ANKRD44: variants seen among roughly 807,000 people sequenced by gnomAD.
ANKRD44 encodes the protein serine/threonine-protein phosphatase 6 regulatory ankyrin repeat subunit B.
Under a neutral mutation model 116.0 loss-of-function variants are expected in ANKRD44, and 35 were observed. The observed-to-expected ratio is 0.30, with a 90% CI of 0.23 to 0.40. The LOEUF is 0.40. Among genes scored for constraint, ANKRD44 ranks in the 10% least tolerant of loss-of-function variants. The pLI, the probability that ANKRD44 is intolerant of heterozygous loss-of-function variation, is 1.00. For synonymous variants in ANKRD44, 435 were observed against 461.8 expected (o/e 0.94, Z 0.74); for missense variants, 1,014 against 1,242.6 (o/e 0.82, Z 2.77).
chr2:197,194,861 G>C (rs1201250596), intron 1 of ANKRD44, among the ~76,000 whole-genome samples: 1 of 152,206 alleles, frequency 6.6e-6, no homozygotes, highest in Non-Finnish European at 1.5e-5. Context: ...GCATGGGTCT[G>C]AGTTATAAAG....
chr2:197,291,918 G>A (rs2083580990), intron 1 of ANKRD44, among the ~76,000 whole-genome samples: 1 of 152,144 alleles, frequency 6.6e-6, no homozygotes, highest in Admixed American at 6.5e-5. Flanking sequence ...GTGAGAACAT[G>A]CAGTGTTTGC....
At chr2:197,092,410 T>C (rs1255087879) in intron 10 of ANKRD44, among the ~76,000 whole-genome samples, 7 of 152,242 alleles carry the variant, frequency 4.6e-5, no homozygotes, top group African/African-American at 1.7e-4. Flanking sequence ...AAAGTTATTA[T>C]GATGATGTGT....
chr2:197,227,901 T>C (rs997498270), intron 1 of ANKRD44, among the ~76,000 whole-genome samples: 1 of 152,270 alleles, frequency 6.6e-6, no homozygotes, highest in Non-Finnish European at 1.5e-5. Context: ...AGCATATTTA[T>C]AATAAGCTGC....
chr2:197,183,370 G>A (rs903869023), intron 2 of ANKRD44, among the ~76,000 whole-genome samples: 1 of 152,156 alleles, frequency 6.6e-6, no homozygotes, highest in African/African-American at 2.4e-5. Flanking sequence ...AAGTTAGTGA[G>A]TAGTGGCTCC....
At position 197,110,641 on chromosome 2, in the gene ANKRD44, T is replaced by C. The variant is rs2078543258; in HGVS notation, c.985+125A>G. On this transcript the variant is annotated intron_variant, in intron 9 of 27. Coordinates refer to ENST00000282272, the MANE Select transcript of ANKRD44 (RefSeq NM_001195144.2). ...GTTTTTAGCAAAGTACATCAAAGAATTATGTAATTGCATGCTTACTAAAAC... is the reference window on the plus strand; with the variant it reads ...GTTTTTAGCAAAGTACATCAAAGAACTATGTAATTGCATGCTTACTAAAAC... 5.2e-6 allele frequency: 4 copies of C among 772,970 alleles called. No homozygotes were observed. In the East Asian group the frequency reaches 9.8e-5, roughly 19 times the overall value. 47.9% of individuals were successfully genotyped at this position (772,970 alleles called of 1,614,324 possible). A position where few individuals can be genotyped will look rare whatever the true frequency, so the allele number is the denominator to read the frequency against.
At chr2:196,999,963 T>C (rs2076085235) in intron 23 of ANKRD44, among the ~76,000 whole-genome samples, 1 of 152,172 alleles carries the variant, frequency 6.6e-6, no homozygotes, top group Admixed American at 6.5e-5. Context: ...AATCTAAATG[T>C]TCTTCAATAG....
At chr2:197,100,884 C>T (rs1216669732) in intron 9 of ANKRD44, among the ~76,000 whole-genome samples, 3 of 151,884 alleles carry the variant, frequency 2.0e-5, no homozygotes, top group South Asian at 4.1e-4. Flanking sequence ...CTTTTTTTCT[C>T]TCCCTTTTTC....
At chr2:197,274,616 CG>C (rs2083020579) in intron 1 of ANKRD44, among the ~76,000 whole-genome samples, 1 of 152,196 alleles carries the variant, frequency 6.6e-6, no homozygotes, top group South Asian at 2.1e-4. Flanking sequence ...ACTTTTCCCT[CG>C]GCCCAGTCCT....
chr2:197,271,330 C>T (rs545346310), intron 1 of ANKRD44, among the ~76,000 whole-genome samples: 2 of 152,296 alleles, frequency 1.3e-5, no homozygotes, highest in East Asian at 3.9e-4. Context: ...GAGCTTGTTC[C>T]TTCTACCATG....
chr2:197,131,966 G>C (rs1354037418), intron 4 of ANKRD44, among the ~76,000 whole-genome samples: 1 of 152,196 alleles, frequency 6.6e-6, no homozygotes, highest in Non-Finnish European at 1.5e-5. Context: ...TATGAAATAG[G>C]CTTCACATGA....
At chr2:196,968,143 C>T (rs149183175) in intron 21 of ANKRD44, among the ~76,000 whole-genome samples, 22 of 152,260 alleles carry the variant, frequency 1.4e-4, no homozygotes, top group East Asian at 3.9e-4. Flanking sequence ...AATGCAAGAA[C>T]GGCCTAATAC....
chr2:197,243,715 G>T (rs931838573), intron 1 of ANKRD44, among the ~76,000 whole-genome samples: 2 of 152,200 alleles, frequency 1.3e-5, no homozygotes, highest in Admixed American at 6.5e-5. Flanking sequence ...TTCTTGCTGT[G>T]CCCTCATGTG....
chr2:197,178,553 G>A (rs570484261), intron 2 of ANKRD44, among the ~76,000 whole-genome samples: 2 of 152,224 alleles, frequency 1.3e-5, no homozygotes, highest in African/African-American at 4.8e-5. Context: ...ATGTGAGGTT[G>A]AGAAAAAGAT....
intron 16 of ANKRD44, among the ~76,000 whole-genome samples, chr2:197,043,969 T>C (rs1212290924): frequency 6.6e-6 from 1 of 152,240 alleles, no homozygotes; most frequent in African/African-American, 2.4e-5. Flanking sequence ...GTGATTTTTA[T>C]TTCTGATCTT....
intron 21 of ANKRD44, among the ~76,000 whole-genome samples, chr2:196,979,179 G>A (rs1033671803): frequency 6.6e-5 from 10 of 151,748 alleles, no homozygotes; most frequent in Non-Finnish European, 1.3e-4. Flanking sequence ...GGCGGATCAC[G>A]AGGTCAGGAG....
intron 2 of ANKRD44, among the ~76,000 whole-genome samples, chr2:197,160,590 C>T (rs1478070455): frequency 6.6e-6 from 1 of 152,122 alleles, no homozygotes; most frequent in Non-Finnish European, 1.5e-5. Flanking sequence ...AGAGTCGGGC[C>T]TTCCATTCTT....
At chr2:197,083,641 C>T in intron 13 of ANKRD44, 132 bp from the exon 14 acceptor site, 1 of 864,720 alleles carries the variant, frequency 1.2e-6, no homozygotes, top group Non-Finnish European at 1.7e-6. Flanking sequence ...AGGCCAAAGT[C>T]ATGCCTTCCT....
intron 1 of ANKRD44, among the ~76,000 whole-genome samples, chr2:197,202,549 G>A (rs1233703324): frequency 3.3e-5 from 5 of 152,082 alleles, no homozygotes; most frequent in Admixed American, 6.5e-5. Context: ...GGACAATTTC[G>A]TGCAGATCTT....
chr2:197,162,665 G>A (rs1249139990), intron 2 of ANKRD44, among the ~76,000 whole-genome samples: 1 of 152,156 alleles, frequency 6.6e-6, no homozygotes, highest in African/African-American at 2.4e-5. Context: ...CCTTTCCTCT[G>A]AAACCTCTTC....
Sources: gnomAD v4.1 joint callset for allele counts (sites outside exome capture counted in the v4.1 genomes callset) on GRCh38, gnomAD v4.1.1 for gene constraint, MANE v1.5 for transcripts, NCBI Gene and HGNC (gene_info 2026-07-23, HGNC 2026-07-21) for gene names.